STARD9: variants seen among roughly 807,000 people sequenced by gnomAD.
The protein encoded by STARD9 is StAR related lipid transfer domain containing 9.
A neutral mutation model predicts 399.8 loss-of-function variants in STARD9; 346 were observed. The ratio of observed to expected loss-of-function variants is 0.87; its 90% CI spans 0.79 to 0.95. The LOEUF (loss-of-function observed/expected upper bound fraction) is 0.95, where lower values mean the gene tolerates loss of function less well. Among genes scored for constraint, STARD9 ranks in the 40% least tolerant of loss-of-function variants. The pLI, the probability that STARD9 is intolerant of heterozygous loss-of-function variation, is 0.00. For missense variants in STARD9, 5,832 were observed against 5,667.5 expected (o/e 1.03, Z -0.93); for synonymous variants, 2,203 against 2,143.5 (o/e 1.03, Z -0.77).
At position 42,692,694 on chromosome 15, in the gene STARD9, A is replaced by T. The variant is rs117486394; in HGVS notation, c.11116A>T (p.Arg3706Trp). ...TCTCTCCCAGCCAGATGTGGCCAGA[A>T]GGGAGCAGAACACCAAGAGGGACAT... is the stretch of plus-strand genomic sequence containing the variant. The part of the protein sequence containing the change: ...GSLSQPDVAR[R>W]EQNTKRDIPD... Residue 3706 changes from arginine to tryptophan, a missense_variant, in exon 23 of 33, where the codon AGG becomes TGG. By Grantham distance (101) the Arg-to-Trp change is moderately radical (BLOSUM62 -3). Coordinates refer to ENST00000290607, the MANE Select transcript of STARD9 (RefSeq NM_020759.3). 2.6e-6 allele frequency: 4 copies of T among 1,537,040 alleles called. No individual in the cohort carries two copies. Among genetic ancestry groups the T allele is most frequent in the Middle Eastern group, 1.7e-4 (1 of 5,988 alleles).
Position 42,693,655 on chromosome 15 carries a change from G to A in STARD9, c.12077G>A (p.Arg4026Lys), listed in dbSNP as rs552299375. The A allele has an allele frequency of 6.5e-7, 1 of 1,537,264 alleles. No homozygotes were observed. ...CCACCACTGAGGCACAGGAGCCAAA[G>A]GCTGGGCAACAGCTTTGTGCCTGAG... ...LPPPLRHRSQ[R>K]LGNSFVPEKV... Residue 4026 changes from arginine to lysine, a missense_variant, in exon 23 of 33, where the codon AGG becomes AAG. This residue lies in a region of STARD9 where 5,828 missense variants were observed against 5,651.1 expected (regional missense o/e 1.03). Coordinates refer to ENST00000290607, the MANE Select transcript of STARD9 (RefSeq NM_020759.3).
chr15:42,611,471 A>G (rs2058848625), intron 3 of STARD9, among the ~76,000 whole-genome samples: 2 of 152,208 alleles, frequency 1.3e-5, no homozygotes, highest in South Asian at 2.1e-4. Flanking sequence ...TTGGATCTTT[A>G]GTCCAGCATC....
chr15:42,712,835 C>A (rs1301601040), intron 26 of STARD9, among the ~76,000 whole-genome samples: 1 of 152,154 alleles, frequency 6.6e-6, no homozygotes, highest in Non-Finnish European at 1.5e-5. Context: ...CCCAGCCTCA[C>A]ACTGTCTTCT....
At chr15:42,659,807 A>T (rs28798437) in intron 9 of STARD9, among the ~76,000 whole-genome samples, 1 of 152,066 alleles carries the variant, frequency 6.6e-6, no homozygotes, top group Admixed American at 6.6e-5. Flanking sequence ...TACAGGGGTG[A>T]GTCATCATGC....
intron 26 of STARD9, among the ~76,000 whole-genome samples, chr15:42,698,064 A>G (rs945566063): frequency 6.6e-6 from 1 of 152,176 alleles, no homozygotes; most frequent in African/African-American, 2.4e-5. Context: ...TTGTAACTCT[A>G]TTTGAATATG....
At chr15:42,581,043 T>G in intron 1 of STARD9, 1 of 512,830 alleles carries the variant, frequency 1.9e-6, no homozygotes, top group South Asian at 1.9e-5. Context: ...CTCTTCTGTC[T>G]TTTCACTGTT....
chr15:42,621,220 A>G (rs1416927658), intron 3 of STARD9, among the ~76,000 whole-genome samples: 1 of 152,096 alleles, frequency 6.6e-6, no homozygotes, highest in Non-Finnish European at 1.5e-5. Context: ...ATTAATAAAT[A>G]TTTTGTATTT....
chr15:42,689,192 G>A lies in STARD9; in HGVS notation c.7614G>A (p.Leu2538=), dbSNP rs1161841607. The change falls in exon 23 of 33, where the codon CTG becomes CTA. Residue 2538 remains leucine, a synonymous_variant. Coordinates refer to ENST00000290607, the MANE Select transcript of STARD9 (RefSeq NM_020759.3). ...GGGTGCCCAGTCCAGAGCCTAGGCTGTTGGAGCCCTCTGACCATGCATCCA... is the reference window on the plus strand; with the variant it reads ...GGGTGCCCAGTCCAGAGCCTAGGCTATTGGAGCCCTCTGACCATGCATCCA... ...LPRVPSPEPR[L]LEPSDHASMC... The A allele has an allele frequency of 1.3e-5, 20 of 1,537,164 alleles. No homozygotes were observed. Among genetic ancestry groups the A allele is most frequent in the Non-Finnish European group, 1.7e-5 (20 of 1,146,924 alleles).
chr15:42,614,393 C>G (rs1221053614), intron 3 of STARD9, among the ~76,000 whole-genome samples: 1 of 151,694 alleles, frequency 6.6e-6, no homozygotes, highest in Non-Finnish European at 1.5e-5. Flanking sequence ...GTAGGCACTT[C>G]ATAGGAGAGC....
chr15:42,600,849 T>G (rs911990261), intron 3 of STARD9, among the ~76,000 whole-genome samples: 1 of 151,124 alleles, frequency 6.6e-6, no homozygotes, highest in Admixed American at 6.6e-5. Context: ...ACTTGATATA[T>G]CTGTTTTTCT....
intron 28 of STARD9, 76 bp from the exon 29 acceptor site, chr15:42,717,655 G>A (rs1433884791): frequency 1.6e-6 from 2 of 1,279,494 alleles, no homozygotes; most frequent in East Asian, 2.5e-5. Context: ...TTTAGCAGAT[G>A]CAGGCCAGAC....
intron 3 of STARD9, among the ~76,000 whole-genome samples, chr15:42,588,865 A>T (rs574892447): frequency 4.3e-4 from 53 of 122,950 alleles, no homozygotes; most frequent in African/African-American, 1.6e-3. Context: ...CCCAGGCTGG[A>T]GTACAGTGGC....
In STARD9 at chr15:42,694,563, G is replaced by C; in HGVS notation, c.12800G>C (p.Arg4267Pro). ...KKAIETLRRE[R>P]AERLGNFCRT... ...GCCATTGAGACCCTCAGGAGAGAGC[G>C]GGCTGAGCGACTTGGGAACTTCTGC... The change falls in exon 24 of 33, where the codon CGG becomes CCG. Residue 4267 changes from arginine (R) to proline (P), a missense_variant. Physicochemically the swap from Arg to Pro is moderately radical, Grantham distance 103. Coordinates refer to ENST00000290607, the MANE Select transcript of STARD9 (RefSeq NM_020759.3). 1 of 1,537,192 alleles carries C rather than the reference G, an allele frequency of 6.5e-7. No individual in the cohort carries two copies. The highest frequency in any genetic ancestry group is 2.0e-5 in the Admixed American group (1 of 50,988).
chr15:42,713,488 G>T (rs1202181361), intron 26 of STARD9, among the ~76,000 whole-genome samples: 2 of 152,152 alleles, frequency 1.3e-5, no homozygotes, highest in Non-Finnish European at 2.9e-5. Flanking sequence ...GAGGAGGAAG[G>T]TATCCATCTT....
Position 42,607,686 on chromosome 15 carries a change from A to ACACC in STARD9, c.234+22049_234+22050insCACC, listed in dbSNP as rs2058764892. ...CACACACACACACACACACACACAC[A>ACACC]AATATATATTTGAATATAATTAAAT... On this transcript the variant is annotated intron_variant, in intron 3 of 32. Transcript: ENST00000290607. Among the ~76,000 whole-genome samples, 6 of 144,186 alleles carry ACACC rather than the reference A, an allele frequency of 4.2e-5. No individual in the cohort carries two copies. The South Asian group carries it at 1.3e-3, about 30-fold the overall frequency. 94.6% of individuals were successfully genotyped at this position (144,186 alleles called of 152,430 possible).
chr15:42,687,883 A>G lies in STARD9; in HGVS notation c.6305A>G (p.Asp2102Gly). 1 of 1,537,236 alleles carries G rather than the reference A, an allele frequency of 6.5e-7. No homozygotes were observed. Among genetic ancestry groups the G allele is most frequent in the South Asian group, 1.2e-5 (1 of 84,066 alleles). Residue 2102 changes from aspartate to glycine, a missense_variant, in exon 23 of 33, where the codon GAC becomes GGC. Physicochemically the swap from Asp to Gly is moderately conservative, Grantham distance 94 (BLOSUM62 -1). Around this residue, in one of 2 missense-constraint regions of STARD9, gnomAD observed 5,828 missense variants for 5,651.1 expected, o/e 1.03. Transcript: ENST00000290607. ...QEKTDHAFRP[D>G]SSGNPLPSKD... ...AAGACTGACCATGCCTTTAGGCCAG[A>G]CAGCTCTGGAAACCCTTTGCCCTCT...
rs560376941 is a variant in STARD9 at position 42,589,135 on chromosome 15, A to G, written c.234+3498A>G. On this transcript the variant is annotated intron_variant, in intron 3 of 32. Transcript: ENST00000290607. The stretch of plus-strand genomic sequence containing the variant: ...CAGCTCTCCACAGCATTAGTGATCA[A>G]ATTTTGAGAGGAGGGGTCAGTCTAT... Among the ~76,000 whole-genome samples, 103 of 152,062 alleles carry G rather than the reference A, an allele frequency of 6.8e-4. 1 individual carries two copies. Among genetic ancestry groups the G allele is most frequent in the African/African-American group, 2.4e-3 (98 of 41,454 alleles).
Position 42,694,013 on chromosome 15 carries a change from G to T in STARD9, c.12435G>T (p.Trp4145Cys), listed in dbSNP as rs2060780487. ...CGGTGCATAACAAATTTAGTAACTG[G>T]TGTGGGGTTCAGAAGGGCTCACCTG... ...DLPVHNKFSN[W>C]CGVQKGSPGG... The change falls in exon 23 of 33, where the codon TGG (tryptophan) becomes TGT (cysteine). Residue 4145 changes from tryptophan to cysteine, a missense_variant. Physicochemically the swap from Trp to Cys is radical, Grantham distance 215. Transcript: ENST00000290607. 4.6e-6 allele frequency: 7 copies of T among 1,526,352 alleles called. No homozygotes were observed. The highest frequency in any genetic ancestry group is 1.7e-4 in the Middle Eastern group (1 of 5,934). 94.6% of individuals were successfully genotyped at this position (1,526,352 alleles called of 1,614,324 possible).
intron 26 of STARD9, among the ~76,000 whole-genome samples, chr15:42,712,718 G>C (rs1316195416): frequency 3.3e-5 from 5 of 152,086 alleles, no homozygotes; most frequent in Non-Finnish European, 7.4e-5. Context: ...GTGTGTGTGT[G>C]ACAGGGTCTC....
Sources: allele counts gnomAD v4.1 joint callset (sites outside exome capture counted in the v4.1 genomes callset), GRCh38; gene constraint gnomAD v4.1.1; regional missense constraint gnomAD v4.1.1; transcripts MANE v1.5; gene names NCBI Gene and HGNC (gene_info 2026-07-23, HGNC 2026-07-21).